PCDH15: variants seen among roughly 807,000 people sequenced by gnomAD.
PCDH15 encodes the protein protocadherin related 15.
PCDH15 carries 129 observed loss-of-function variants against 178.5 expected under a neutral mutation model. The ratio of observed to expected loss-of-function variants is 0.72; its 90% CI spans 0.63 to 0.84. The LOEUF is 0.84. Ranked by LOEUF, PCDH15 falls within the 40% of genes least tolerant of loss-of-function variation. PCDH15 has a pLI of 0.00. For synonymous variants in PCDH15, 800 were observed against 732.0 expected, an observed-to-expected ratio of 1.09 and a Z score of -1.50; for missense variants, 2,230 against 2,099.9, an observed-to-expected ratio of 1.06 and a Z score of -1.21.
At chr10:54,720,057 A>G (rs1456538875) in intron 1 of PCDH15, among the ~76,000 whole-genome samples, 1 of 152,202 alleles carries the variant, frequency 6.6e-6, no homozygotes, top group East Asian at 1.9e-4. Flanking sequence ...GATGCTGGTG[A>G]GGCTGTGGAG....
intron 2 of PCDH15, among the ~76,000 whole-genome samples, chr10:55,442,450 T>G (rs1219548662): frequency 2.0e-5 from 2 of 100,462 alleles, no homozygotes; most frequent in African/African-American, 8.0e-5. Context: ...GTTTTCTTAA[T>G]TTGATTATAT....
intron 2 of PCDH15, among the ~76,000 whole-genome samples, chr10:55,395,847 A>C (rs1212806840): frequency 1.3e-5 from 2 of 152,036 alleles, no homozygotes; most frequent in Non-Finnish European, 2.9e-5. Flanking sequence ...CTATATCACA[A>C]AAAAAACCAA....
intron 1 of PCDH15, among the ~76,000 whole-genome samples, chr10:55,209,343 G>T (rs549049670): frequency 6.6e-6 from 1 of 152,202 alleles, no homozygotes; most frequent in South Asian, 2.1e-4. Flanking sequence ...TCTGAAGAGA[G>T]AGATGACTTG....
intron 2 of PCDH15, among the ~76,000 whole-genome samples, chr10:54,918,606 T>C (rs1294072566): frequency 6.6e-6 from 1 of 152,148 alleles, no homozygotes; most frequent in African/African-American, 2.4e-5. Flanking sequence ...ATTAATATGG[T>C]AATTGCACTA....
At chr10:54,945,098 TC>T in intron 2 of PCDH15, among the ~76,000 whole-genome samples, 1 of 152,016 alleles carries the variant, frequency 6.6e-6, no homozygotes, top group African/African-American at 2.4e-5. Context: ...GTGGAATTTT[TC>T]TTTTCAATTT....
At chr10:55,154,180 A>C (rs1411181711) in intron 2 of PCDH15, among the ~76,000 whole-genome samples, 1 of 152,158 alleles carries the variant, frequency 6.6e-6, no homozygotes, top group Non-Finnish European at 1.5e-5. Flanking sequence ...AGTGAAATCA[A>C]TTTTTACACT....
intron 9 of PCDH15, among the ~76,000 whole-genome samples, chr10:54,228,838 TAGAC>T (rs1263322557): frequency 6.6e-6 from 1 of 152,178 alleles, no homozygotes; most frequent in African/African-American, 2.4e-5. Flanking sequence ...AACACTCTCT[TAGAC>T]AGACCCAGAA....
intron 1 of PCDH15, among the ~76,000 whole-genome samples, chr10:54,796,078 C>T (rs1951924747): frequency 6.6e-6 from 1 of 151,754 alleles, no homozygotes; most frequent in Non-Finnish European, 1.5e-5. Flanking sequence ...CCATCTGGTT[C>T]TGTATTCTTT....
rs61184409 is a variant in PCDH15 at position 55,598,513 on chromosome 10, A to AATAT, written c.-156+29108_-156+29111dup. On this transcript the variant is annotated intron_variant, in intron 2 of 5. Transcript: ENST00000613346. Reference sequence around the variant, plus strand: ...TATAACACCAGCTTCAGCAAACCCTAATATATATATATATATATATATATA... The same window carrying AATAT: ...TATAACACCAGCTTCAGCAAACCCTAATATATATATATATATATATATATATATA... Among the ~76,000 whole-genome samples the AATAT allele has an allele frequency of 1.2e-3, 101 of 83,306 alleles. 1 individual carries two copies. Among genetic ancestry groups the AATAT allele is most frequent in the Non-Finnish European group, 1.7e-3 (62 of 36,370 alleles). 54.7% of individuals were successfully genotyped at this position (83,306 alleles called of 152,430 possible).
At chr10:54,205,268 G>T (rs1002516611) in intron 10 of PCDH15, among the ~76,000 whole-genome samples, 3 of 152,134 alleles carry the variant, frequency 2.0e-5, no homozygotes, top group Admixed American at 1.3e-4. Flanking sequence ...GAGCAGCTGA[G>T]GCCAACTCTG....
chr10:55,221,277 A>G (rs1298529209), intron 1 of PCDH15, among the ~76,000 whole-genome samples: 1 of 152,102 alleles, frequency 6.6e-6, no homozygotes, highest in Non-Finnish European at 1.5e-5. Flanking sequence ...CAGAACAGAG[A>G]CATGAGCAGT....
At chr10:55,257,017 G>T (rs1276753411) in intron 1 of PCDH15, among the ~76,000 whole-genome samples, 1 of 152,142 alleles carries the variant, frequency 6.6e-6, no homozygotes, top group Non-Finnish European at 1.5e-5. Context: ...GTACTCCTCT[G>T]AGACAAAACT....
intron 2 of PCDH15, among the ~76,000 whole-genome samples, chr10:54,635,801 A>G (rs1411948108): frequency 1.3e-5 from 2 of 151,930 alleles, no homozygotes; most frequent in Non-Finnish European, 2.9e-5. Context: ...AAACATCATA[A>G]ATGATACACT....
chr10:53,822,224 T>C (rs2076320147), intron 32 of PCDH15: 2 of 1,613,700 alleles, frequency 1.2e-6, no homozygotes, highest in South Asian at 1.1e-5. Flanking sequence ...TGGACAGAAA[T>C]GAAGCTGAAG....
chr10:54,978,863 A>G (rs895159095), intron 2 of PCDH15, among the ~76,000 whole-genome samples: 5 of 152,120 alleles, frequency 3.3e-5, no homozygotes, highest in Non-Finnish European at 7.4e-5. Flanking sequence ...CATCTACATG[A>G]GGTATACATG....
chr10:53,989,391 T>C (rs1419181809), intron 21 of PCDH15, among the ~76,000 whole-genome samples: 1 of 152,186 alleles, frequency 6.6e-6, no homozygotes, highest in Non-Finnish European at 1.5e-5. Context: ...ATTATTTACA[T>C]CTGAATTGTT....
At chr10:54,887,616 A>G (rs901138973) in intron 3 of PCDH15, among the ~76,000 whole-genome samples, 1 of 152,140 alleles carries the variant, frequency 6.6e-6, no homozygotes, top group Admixed American at 6.6e-5. Flanking sequence ...AGAATAAATT[A>G]TAAACTATTC....
intron 1 of PCDH15, among the ~76,000 whole-genome samples, chr10:54,748,885 T>C (rs1165558730): frequency 6.6e-6 from 1 of 152,222 alleles, no homozygotes; most frequent in Non-Finnish European, 1.5e-5. Context: ...GACGCGTTGC[T>C]CCCTTGCCCT....
intron 25 of PCDH15, among the ~76,000 whole-genome samples, chr10:53,904,120 T>C (rs909500243): frequency 5.9e-5 from 9 of 152,152 alleles, no homozygotes; most frequent in East Asian, 1.9e-4. Flanking sequence ...AGTCCAATAA[T>C]GACCTTTTAA....
Sources: gnomAD v4.1 joint callset for allele counts (sites outside exome capture counted in the v4.1 genomes callset) on GRCh38, gnomAD v4.1.1 for gene constraint, MANE v1.5 for transcripts, NCBI Gene and HGNC (gene_info 2026-07-23, HGNC 2026-07-21) for gene names.